The following MYCBP2 variants were observed in gnomAD, a reference collection of about 807,000 sequenced individuals.
MYCBP2 encodes MYC binding protein 2.
Under a neutral mutation model 525.3 loss-of-function variants are expected in MYCBP2, and 120 were observed. The observed-to-expected ratio is 0.23, with a 90% CI of 0.20 to 0.27. The LOEUF is 0.27. Ranked by LOEUF, MYCBP2 falls within the 10% of genes least tolerant of loss-of-function variation. The probability of loss-of-function intolerance (pLI) is 1.00; values close to 1 mark genes in which losing one functional copy is unlikely to be tolerated. For missense variants in MYCBP2, 4,149 were observed against 5,657.1 expected, an observed-to-expected ratio of 0.73 and a Z score of 8.55; for synonymous variants, 1,894 against 1,955.8, an observed-to-expected ratio of 0.97 and a Z score of 0.83.
chr13:77,200,363 A>G (rs909055419), intron 26 of MYCBP2, among the ~76,000 whole-genome samples: 6 of 152,220 alleles, frequency 3.9e-5, no homozygotes, highest in East Asian at 3.9e-4. Context: ...AAAGAAACGA[A>G]CAAAGCCTCC....
chr13:77,268,026 G>C (rs1027961106), intron 7 of MYCBP2, 89 bp from the exon 8 acceptor site: 6 of 731,200 alleles, frequency 8.2e-6, no homozygotes, highest in African/African-American at 7.1e-5. Flanking sequence ...ACAGGTTTTT[G>C]AGGTACAATA....
At chr13:77,222,516 C>G (rs2065733042) in intron 20 of MYCBP2, among the ~76,000 whole-genome samples, 1 of 152,106 alleles carries the variant, frequency 6.6e-6, no homozygotes, top group African/African-American at 2.4e-5. Flanking sequence ...GCAGTGCCCA[C>G]AGATCTGACC....
At chr13:77,099,774 C>G (rs1213852453) in intron 55 of MYCBP2, 1 of 152,078 alleles carries the variant, frequency 6.6e-6, no homozygotes, top group African/African-American at 2.4e-5. Flanking sequence ...AACAAGGAGT[C>G]AGGAGAATGA....
intron 80 of MYCBP2, among the ~76,000 whole-genome samples, chr13:77,055,323 C>A (rs547371408): frequency 1.3e-5 from 2 of 152,210 alleles, no homozygotes; most frequent in East Asian, 3.9e-4. Flanking sequence ...TGGGAAGCAG[C>A]TTGTATACAG....
chr13:77,053,506 A>G (rs2154058726), intron 80 of MYCBP2, among the ~76,000 whole-genome samples: 1 of 152,346 alleles, frequency 6.6e-6, no homozygotes, highest in South Asian at 2.1e-4. Flanking sequence ...GTCGTTCACC[A>G]GCTAAACCTA....
chr13:77,103,160 T>C (rs1364524904), intron 55 of MYCBP2: 1 of 396,982 alleles, frequency 2.5e-6, no homozygotes, highest in African/African-American at 2.1e-5. Context: ...TTAATGACAC[T>C]CCTTATGTTC....
At chr13:77,235,981 T>G (rs2067862016) in intron 17 of MYCBP2, among the ~76,000 whole-genome samples, 1 of 152,126 alleles carries the variant, frequency 6.6e-6, no homozygotes, top group Non-Finnish European at 1.5e-5. Flanking sequence ...ATATCCTTCA[T>G]CCTAAGGACT....
chr13:77,161,122 G>T (rs1216083762), intron 44 of MYCBP2, among the ~76,000 whole-genome samples: 1 of 152,146 alleles, frequency 6.6e-6, no homozygotes, highest in African/African-American at 2.4e-5. Context: ...CAGTACATCA[G>T]AAACTCTGGT....
chr13:77,251,495 A>C, intron 14 of MYCBP2, 140 bp from the exon 15 acceptor site: 1 of 697,160 alleles, frequency 1.4e-6, no homozygotes, highest in Admixed American at 2.9e-5. Context: ...TTGAGTAACA[A>C]AAATAAATTT....
At chr13:77,104,218 A>G (rs1876868748) in intron 55 of MYCBP2, among the ~76,000 whole-genome samples, 1 of 152,146 alleles carries the variant, frequency 6.6e-6, no homozygotes, top group Admixed American at 6.6e-5. Context: ...TAAACTAGAC[A>G]TAACACACAC....
intron 41 of MYCBP2, 113 bp from the exon 42 acceptor site, chr13:77,165,504 C>G: frequency 1.3e-6 from 1 of 755,994 alleles, no homozygotes; most frequent in Non-Finnish European, 2.2e-6. Context: ...AAACACAAAT[C>G]ATATACTACA....
intron 23 of MYCBP2, among the ~76,000 whole-genome samples, chr13:77,209,956 C>G (rs979323399): frequency 5.3e-5 from 8 of 152,162 alleles, no homozygotes; most frequent in Admixed American, 3.9e-4. Context: ...GATGAGAATG[C>G]AAGCAGGCAT....
In MYCBP2 at chr13:77,081,437, C is replaced by T. The variant is rs1265551059; in HGVS notation, c.11408G>A (p.Arg3803Gln). 4 of 1,611,560 alleles carry T rather than the reference C, an allele frequency of 2.5e-6. No individual in the cohort carries two copies. The highest frequency in any genetic ancestry group is 3.4e-6 in the Non-Finnish European group (4 of 1,179,440). The stretch of plus-strand genomic sequence containing the variant: ...CGTTTGCTTTCTTACCCCAAGATCT[C>T]GGGAATTGTCCACGTGAACAGACAC... ...RYVSVHVDNS[R>Q]DLGNKVTSMT... The change falls in exon 65 of 83, where the codon CGA becomes CAA. Residue 3803 changes from arginine (R) to glutamine (Q), a missense_variant. By Grantham distance (43) the Arg-to-Gln change is conservative (BLOSUM62 1). Coordinates refer to ENST00000544440, the MANE Select transcript of MYCBP2 (RefSeq NM_015057.5). This position sits in a 1 kb window ranked among gnomAD's most constrained non-coding sequence, Gnocchi z 4.6.
Position 77,228,637 on chromosome 13 carries a change from T to C in MYCBP2, c.2738-3083A>G, listed in dbSNP as rs151198179. Among the ~76,000 whole-genome samples, 4 of 152,092 alleles carry C rather than the reference T, an allele frequency of 2.6e-5. No individual in the cohort carries two copies. In the East Asian group the frequency reaches 7.7e-4, roughly 29 times the overall value. ...AAAAATTGACAGATGTGAATAATCT[T>C]ATAATTGGCCATTTAAGTATGAGCA... is the stretch of plus-strand genomic sequence containing the variant. On this transcript the variant is annotated intron_variant, in intron 18 of 82. Transcript: ENST00000544440.
chr13:77,108,642 C>T (rs955964750), intron 55 of MYCBP2, among the ~76,000 whole-genome samples: 2 of 152,048 alleles, frequency 1.3e-5, no homozygotes, highest in African/African-American at 4.8e-5. Context: ...ACAACGCTTA[C>T]GCAGCACAAA....
At chr13:77,240,765 C>G (rs1322796961) in intron 17 of MYCBP2, among the ~76,000 whole-genome samples, 1 of 152,130 alleles carries the variant, frequency 6.6e-6, no homozygotes, top group African/African-American at 2.4e-5. Context: ...GACATGGTTC[C>G]AATGTGCACA....
At position 77,185,260 on chromosome 13, in the gene MYCBP2, T is replaced by C; in HGVS notation, c.4562A>G (p.Asp1521Gly). 6.2e-7 allele frequency: 1 copy of C among 1,614,154 alleles called. No homozygotes were observed. The highest frequency in any genetic ancestry group is 1.1e-5 in the South Asian group (1 of 91,088). The change falls in exon 32 of 83, where the codon GAT becomes GGT. Residue 1521 changes from aspartate (D) to glycine (G), a missense_variant. Around this residue, in one of 21 missense-constraint regions of MYCBP2, gnomAD observed 292 missense variants for 330.5 expected, o/e 0.88. Transcript: ENST00000544440. ...ACTGAGATATCCTTGAGGATCATTA[T>C]CCAATTTCACCATGCAGTGATCAAC... ...EGVDHCMVKL[D>G]NDPQGYLSQP...
intron 5 of MYCBP2, among the ~76,000 whole-genome samples, chr13:77,271,794 C>T (rs996653513): frequency 6.6e-6 from 1 of 152,184 alleles, no homozygotes; most frequent in Non-Finnish European, 1.5e-5. Flanking sequence ...ATTGCCCAGT[C>T]TCGGGTACAT....
intron 15 of MYCBP2, among the ~76,000 whole-genome samples, chr13:77,250,452 A>G (rs1452913871): frequency 1.3e-5 from 2 of 152,142 alleles, no homozygotes; most frequent in Non-Finnish European, 2.9e-5. Flanking sequence ...TACTCCCCCA[A>G]ATCAGCCAAT....
Sources: allele counts gnomAD v4.1 joint callset (sites outside exome capture counted in the v4.1 genomes callset), GRCh38; gene constraint gnomAD v4.1.1; regional missense constraint gnomAD v4.1.1; non-coding constraint Gnocchi (gnomAD v3.1); transcripts MANE v1.5; gene names NCBI Gene and HGNC (gene_info 2026-07-23, HGNC 2026-07-21).